PDE1C: variants seen among roughly 807,000 people sequenced by gnomAD.
PDE1C encodes phosphodiesterase 1C, also known as dual specificity calcium/calmodulin-dependent 3',5'-cyclic nucleotide phosphodiesterase 1C.
In PDE1C, 62 loss-of-function variants were observed where a neutral mutation model predicts 93.1. The observed-to-expected ratio is 0.67, with a 90% CI of 0.54 to 0.82. The LOEUF (loss-of-function observed/expected upper bound fraction) is 0.82, where lower values mean the gene tolerates loss of function less well. PDE1C is among the 40% of genes least tolerant of loss of function. The probability of loss-of-function intolerance (pLI) is 0.00; values close to 1 mark genes in which losing one functional copy is unlikely to be tolerated. For missense variants in PDE1C, 742 were observed against 884.6 expected, an observed-to-expected ratio of 0.84 and a Z score of 2.04; for synonymous variants, 325 against 310.1, an observed-to-expected ratio of 1.05 and a Z score of -0.50.
intron 1 of PDE1C, among the ~76,000 whole-genome samples, chr7:32,336,085 T>C (rs1184383340): frequency 6.6e-6 from 1 of 152,120 alleles, no homozygotes; most frequent in Non-Finnish European, 1.5e-5. Context: ...GGGGCACAGT[T>C]CAGCCGATAA....
chr7:31,816,209 G>T lies in PDE1C; in HGVS notation c.1583-55C>A, dbSNP rs1860791. The stretch of plus-strand genomic sequence containing the variant: ...AGAAAAGAGAAAAAGAGGTCATGCC[G>T]TTAGGAGAATGGCCTGTTTTAGTAC... On this transcript the variant is annotated intron_variant, in intron 14 of 17. Transcript: ENST00000396191. 4 of 1,512,242 alleles carry T rather than the reference G, an allele frequency of 2.6e-6. No homozygotes were observed. In the African/African-American group the frequency reaches 4.2e-5, roughly 16 times the overall value. 93.7% of individuals were successfully genotyped at this position (1,512,242 alleles called of 1,614,324 possible).
intron 2 of PDE1C, among the ~76,000 whole-genome samples, chr7:32,005,652 AT>A (rs1419903898): frequency 6.7e-6 from 1 of 150,300 alleles, no homozygotes; most frequent in Non-Finnish European, 1.5e-5. Flanking sequence ...GAAGGGGTGT[AT>A]GAGTGTATAT....
chr7:32,065,049 G>A (rs1339086428), intron 1 of PDE1C, among the ~76,000 whole-genome samples: 6 of 66,704 alleles, frequency 9.0e-5, no homozygotes, highest in South Asian at 5.3e-4. Context: ...ACGGAACGGC[G>A]GTGGGGGGGG....
the PDE1C span, chr7:31,652,657 A>G: frequency 1.9e-6 from 3 of 1,613,868 alleles, no homozygotes; most frequent in Non-Finnish European, 2.5e-6. Flanking sequence ...TTTCCTCCCG[A>G]TGATGGCCAG....
intron 17 of PDE1C, among the ~76,000 whole-genome samples, chr7:31,774,406 A>T (rs10225046): frequency 3.3e-5 from 5 of 152,006 alleles, no homozygotes; most frequent in Non-Finnish European, 7.4e-5. Context: ...CAAGGGGATC[A>T]TGAAATGGAC....
At chr7:32,158,136 A>G (rs539491252) in intron 3 of PDE1C, among the ~76,000 whole-genome samples, 1 of 152,340 alleles carries the variant, frequency 6.6e-6, no homozygotes, top group Non-Finnish European at 1.5e-5. Flanking sequence ...TCAAAGAATG[A>G]GAATGTTAAA....
At chr7:32,186,451 T>C (rs1046958641) in intron 2 of PDE1C, among the ~76,000 whole-genome samples, 2 of 152,166 alleles carry the variant, frequency 1.3e-5, no homozygotes, top group Admixed American at 1.3e-4. Context: ...TTTGGCTACA[T>C]GTCACCCGTT....
intron 6 of PDE1C, among the ~76,000 whole-genome samples, chr7:31,867,806 T>C (rs909319487): frequency 6.6e-6 from 1 of 152,128 alleles, no homozygotes; most frequent in African/African-American, 2.4e-5. Context: ...ACAGGCATGC[T>C]TGGCCCACCA....
intron 11 of PDE1C, among the ~76,000 whole-genome samples, chr7:31,834,837 A>G (rs959432783): frequency 1.3e-5 from 2 of 152,038 alleles, no homozygotes; most frequent in Non-Finnish European, 2.9e-5. Flanking sequence ...AAATGTTAGA[A>G]TACGAGATTT....
intron 1 of PDE1C, among the ~76,000 whole-genome samples, chr7:32,341,405 GACCTC>G (rs1285752142): frequency 2.7e-5 from 4 of 150,804 alleles, no homozygotes; most frequent in Admixed American, 1.3e-4. Context: ...TCGATCTCCT[GACCTC>G]GTGATCCGCC....
chr7:31,830,463 C>T, intron 11 of PDE1C, among the ~76,000 whole-genome samples: 1 of 152,156 alleles, frequency 6.6e-6, no homozygotes, highest in East Asian at 1.9e-4. Context: ...GTTAAGATAA[C>T]TCCAACTGAT....
intron 2 of PDE1C, among the ~76,000 whole-genome samples, chr7:32,012,577 G>A (rs1787289056): frequency 6.6e-6 from 1 of 152,242 alleles, no homozygotes. Flanking sequence ...TGACAGTGCT[G>A]GAAAGCAGAT....
chr7:31,647,080 A>G, the PDE1C span, among the ~76,000 whole-genome samples: 118,572 of 152,268 alleles, frequency 0.78, 46,256 homozygotes, highest in East Asian at 0.83. Context: ...ATACATATGC[A>G]CACAGGCGCA....
intron 16 of PDE1C, chr7:31,786,890 ATAT>A (rs1224296058): frequency 2.1e-5 from 3 of 140,026 alleles, no homozygotes; most frequent in African/African-American, 8.0e-5. Flanking sequence ...AAAATATATT[ATAT>A]TATCTATCTA....
intron 3 of PDE1C, among the ~76,000 whole-genome samples, chr7:32,144,145 G>A (rs1043904754): frequency 2.0e-5 from 3 of 152,148 alleles, no homozygotes; most frequent in African/African-American, 7.2e-5. Context: ...AACTCATGGT[G>A]ACTTAAGCAA....
chr7:31,695,717 T>A, the PDE1C span: 1 of 1,331,878 alleles, frequency 7.5e-7, no homozygotes, highest in Non-Finnish European at 1.0e-6. Flanking sequence ...TTCAGGTATT[T>A]TAAAGTAATT....
chr7:31,656,596 G>A, the PDE1C span: 2 of 450,858 alleles, frequency 4.4e-6, no homozygotes, highest in African/African-American at 4.3e-5. Context: ...ATGAGATGAG[G>A]ATAAATTATC....
At chr7:31,889,409 A>C (rs975511433) in intron 2 of PDE1C, among the ~76,000 whole-genome samples, 1 of 152,186 alleles carries the variant, frequency 6.6e-6, no homozygotes, top group African/African-American at 2.4e-5. Flanking sequence ...AAAACAGGCA[A>C]TGTAAGTTGT....
chr7:31,731,906 C>T, the PDE1C span, among the ~76,000 whole-genome samples: 1 of 152,168 alleles, frequency 6.6e-6, no homozygotes, highest in African/African-American at 2.4e-5. Context: ...TCCTAGTGCT[C>T]CAGCACCTCC....
Sources: gnomAD v4.1 joint callset for allele counts (sites outside exome capture counted in the v4.1 genomes callset) on GRCh38, gnomAD v4.1.1 for gene constraint, MANE v1.5 for transcripts, NCBI Gene and HGNC (gene_info 2026-07-23, HGNC 2026-07-21) for gene names.